SRRM4: variants seen among roughly 807,000 people sequenced by gnomAD.
SRRM4 encodes the protein serine/arginine repetitive matrix protein 4.
In SRRM4, 33 loss-of-function variants were observed where a neutral mutation model predicts 68.9. That is an observed-to-expected ratio of 0.48 (90% CI 0.36 to 0.64). The LOEUF (loss-of-function observed/expected upper bound fraction) is 0.64. Ranked by LOEUF, SRRM4 falls within the 30% of genes least tolerant of loss-of-function variation. SRRM4 has a pLI of 0.00. For synonymous variants in SRRM4, 318 were observed against 318.8 expected, an observed-to-expected ratio of 1.00 and a Z score of 0.03; for missense variants, 817 against 827.1, an observed-to-expected ratio of 0.99 and a Z score of 0.15.
At chr12:119,084,275 G>A (rs1953966996) in intron 1 of SRRM4, among the ~76,000 whole-genome samples, 1 of 152,154 alleles carries the variant, frequency 6.6e-6, no homozygotes, top group Non-Finnish European at 1.5e-5. Context: ...GGATTCTATT[G>A]TCCTCTGCAC....
At chr12:119,084,163 C>T (rs1953966244) in intron 1 of SRRM4, among the ~76,000 whole-genome samples, 1 of 152,148 alleles carries the variant, frequency 6.6e-6, no homozygotes, top group African/African-American at 2.4e-5. Context: ...GAATTTGAAC[C>T]CAGCCCTCTG....
At chr12:118,982,677 TTG>T (rs1491038358) in intron 1 of SRRM4, among the ~76,000 whole-genome samples, 30 of 136,266 alleles carry the variant, frequency 2.2e-4, no homozygotes, top group African/African-American at 4.6e-4. Flanking sequence ...TTGTTTTTTT[TTG>T]TTTTTTTTTT....
At chr12:119,136,802 C>T (rs781290365) in intron 8 of SRRM4, among the ~76,000 whole-genome samples, 1 of 152,044 alleles carries the variant, frequency 6.6e-6, no homozygotes, top group Non-Finnish European at 1.5e-5. Context: ...AAGGGTGAGC[C>T]TGAAGCTGTC....
At chr12:119,082,084 T>C (rs1416622343) in intron 1 of SRRM4, among the ~76,000 whole-genome samples, 5 of 152,156 alleles carry the variant, frequency 3.3e-5, no homozygotes. Flanking sequence ...AGAGATTGTT[T>C]CTCGAGTTTG....
At chr12:119,016,827 A>G (rs1392417018) in intron 1 of SRRM4, among the ~76,000 whole-genome samples, 3 of 152,356 alleles carry the variant, frequency 2.0e-5, no homozygotes, top group South Asian at 2.1e-4. Flanking sequence ...AGGGTAGCAT[A>G]CTGCAGACAA....
In SRRM4 at chr12:118,998,908, G is replaced by A. The variant is rs970057346; in HGVS notation, c.131+16895G>A. ...TCATATTTATGTAGAACTGTGAACA[G>A]GCACTGCTCAAGACAGTGGTTTGGG... On this transcript the variant is annotated intron_variant, in intron 1 of 12. Coordinates refer to ENST00000267260, the MANE Select transcript of SRRM4 (RefSeq NM_194286.4). 3.3e-5 allele frequency among the ~76,000 whole-genome samples: 5 copies of A among 152,166 alleles called. 1 individual carries two copies. Among genetic ancestry groups the A allele is most frequent in the Admixed American group, 2.6e-4 (4 of 15,274 alleles).
intron 1 of SRRM4, among the ~76,000 whole-genome samples, chr12:118,988,019 T>C (rs1299356122): frequency 6.6e-6 from 1 of 152,216 alleles, no homozygotes; most frequent in Non-Finnish European, 1.5e-5. Flanking sequence ...ACATTTATAA[T>C]TTCTTTTATT....
chr12:119,088,942 A>G (rs1010386893), intron 1 of SRRM4, among the ~76,000 whole-genome samples: 9 of 152,226 alleles, frequency 5.9e-5, no homozygotes, highest in Non-Finnish European at 1.0e-4. Flanking sequence ...CATCATCTCC[A>G]GGAGCTGGAC....
intron 8 of SRRM4, among the ~76,000 whole-genome samples, chr12:119,137,086 C>A (rs911908759): frequency 1.3e-5 from 2 of 151,574 alleles, no homozygotes; most frequent in African/African-American, 4.8e-5. Context: ...AACTTAATGT[C>A]TTTGTGAAAC....
chr12:119,043,671 A>T (rs1953684564), intron 1 of SRRM4, among the ~76,000 whole-genome samples: 1 of 152,096 alleles, frequency 6.6e-6, no homozygotes, highest in Non-Finnish European at 1.5e-5. Context: ...ATGAGAGACA[A>T]AAACAAAGAA....
intron 2 of SRRM4, among the ~76,000 whole-genome samples, chr12:119,103,792 C>T (rs951110104): frequency 6.6e-6 from 1 of 152,156 alleles, no homozygotes; most frequent in African/African-American, 2.4e-5. Context: ...CACTTGAGGT[C>T]AGGAGTTGGA....
At chr12:118,983,898 A>T (rs1953265385) in intron 1 of SRRM4, among the ~76,000 whole-genome samples, 1 of 150,594 alleles carries the variant, frequency 6.6e-6, no homozygotes, top group Non-Finnish European at 1.5e-5. Context: ...ATAATACTCC[A>T]CTCCCCCTCT....
intron 1 of SRRM4, among the ~76,000 whole-genome samples, chr12:119,014,932 T>C (rs1253242975): frequency 1.3e-5 from 2 of 152,172 alleles, no homozygotes; most frequent in South Asian, 2.1e-4. Flanking sequence ...TGTGGAAGAA[T>C]TGAGTGATTG....
At chr12:119,057,038 T>C (rs1214762315) in intron 1 of SRRM4, among the ~76,000 whole-genome samples, 1 of 152,172 alleles carries the variant, frequency 6.6e-6, no homozygotes, top group Admixed American at 6.5e-5. Context: ...TGATAAGATA[T>C]AGGCACAGAA....
At chr12:119,106,873 T>C (rs1243132955) in intron 2 of SRRM4, among the ~76,000 whole-genome samples, 1 of 152,232 alleles carries the variant, frequency 6.6e-6, no homozygotes, top group African/African-American at 2.4e-5. Flanking sequence ...AGAGAGGGCA[T>C]CCCTGTCTTG....
At chr12:119,119,451 G>A (rs561711416) in intron 4 of SRRM4, among the ~76,000 whole-genome samples, 72 of 151,478 alleles carry the variant, frequency 4.8e-4, no homozygotes, top group African/African-American at 1.6e-3. Flanking sequence ...CCAGAGCTTG[G>A]GGGAGTAGAC....
At chr12:118,993,791 A>G (rs182216884) in intron 1 of SRRM4, 1 of 152,368 alleles carries the variant, frequency 6.6e-6, no homozygotes, top group East Asian at 1.9e-4. Context: ...AATGCCATTG[A>G]CAATGGGTTC....
chr12:118,989,540 C>G (rs112434802), intron 1 of SRRM4, among the ~76,000 whole-genome samples: 1,428 of 141,852 alleles, frequency 0.01, 29 homozygotes, highest in African/African-American at 0.035. Context: ...CCTGTCCCCC[C>G]ACACCTTCCA....
chr12:119,117,632 G>A (rs1333607778), intron 4 of SRRM4, among the ~76,000 whole-genome samples: 7 of 145,952 alleles, frequency 4.8e-5, no homozygotes, highest in Non-Finnish European at 1.1e-4. Context: ...GTTTACAGGG[G>A]AAGGAAAAGA....
Sources: gnomAD v4.1 joint callset for allele counts (sites outside exome capture counted in the v4.1 genomes callset) on GRCh38, gnomAD v4.1.1 for gene constraint, MANE v1.5 for transcripts, NCBI Gene and HGNC (gene_info 2026-07-23, HGNC 2026-07-21) for gene names.